The following PARVA variants were observed in gnomAD, a reference collection of about 807,000 sequenced individuals.
The protein encoded by PARVA is alpha-parvin.
A neutral mutation model predicts 52.6 loss-of-function variants in PARVA; 25 were observed. That is an observed-to-expected ratio of 0.48 (90% CI 0.35 to 0.66). The LOEUF (loss-of-function observed/expected upper bound fraction) is 0.66. PARVA is among the 30% of genes least tolerant of loss of function. The pLI, the probability that PARVA is intolerant of heterozygous loss-of-function variation, is 0.01. For synonymous variants in PARVA, 185 were observed against 179.1 expected, an observed-to-expected ratio of 1.03 and a Z score of -0.26; for missense variants, 373 against 450.9, an observed-to-expected ratio of 0.83 and a Z score of 1.56.
chr11:12,425,980 A>G (rs1940227541), intron 1 of PARVA, among the ~76,000 whole-genome samples: 1 of 136,084 alleles, frequency 7.3e-6, no homozygotes, highest in Non-Finnish European at 1.6e-5. Flanking sequence ...AAGTTCATTA[A>G]TCAGCCATCC....
chr11:12,400,070 T>C (rs887470365), intron 1 of PARVA, among the ~76,000 whole-genome samples: 1 of 152,146 alleles, frequency 6.6e-6, no homozygotes, highest in East Asian at 1.9e-4. Flanking sequence ...AGACCCAATC[T>C]CTATTAAAAA....
Position 12,504,034 on chromosome 11 carries a change from G to A in PARVA, c.542-280G>A, listed in dbSNP as rs76872529. Among the ~76,000 whole-genome samples the A allele has an allele frequency of 6.9e-3, 1,050 of 152,226 alleles. 9 individuals are homozygous for A. Among genetic ancestry groups the A allele is most frequent in the Middle Eastern group, 0.02 (6 of 294 alleles). ...GAGAGAGAGTGGGCTGCAGGAAGGT[G>A]CCATATACTTTTCAACCACCAGATC... On this transcript the variant is annotated intron_variant, in intron 5 of 12. Coordinates refer to ENST00000334956, the MANE Select transcript of PARVA (RefSeq NM_018222.5).
chr11:12,500,888 C>T (rs1365449027), intron 5 of PARVA, among the ~76,000 whole-genome samples: 3 of 152,108 alleles, frequency 2.0e-5, no homozygotes, highest in Non-Finnish European at 2.9e-5. Context: ...GTGGGTGGAT[C>T]ACCTGAGGTC....
chr11:12,533,958 G>A lies in PARVA; in HGVS notation c.*6033G>A, dbSNP rs983848827. Among the ~76,000 whole-genome samples, 1 of 152,094 alleles carries A rather than the reference G, an allele frequency of 6.6e-6. No homozygotes were observed. The highest frequency in any genetic ancestry group is 2.4e-5 in the African/African-American group (1 of 41,428). On this transcript the variant is annotated 3_prime_UTR_variant, in exon 13 of 13. Transcript: ENST00000334956. ...CCGAGACGGACAGATCACAAGGTCAGGAGATTGAGACTATCCTGGCTAATA... is the reference window on the plus strand; with the variant it reads ...CCGAGACGGACAGATCACAAGGTCAAGAGATTGAGACTATCCTGGCTAATA...
rs1485051605 is a variant in PARVA, at chr11:12,528,286, C to T, written c.*361C>T. 3.5e-6 allele frequency: 1 copy of T among 287,740 alleles called. No individual in the cohort carries two copies. Among genetic ancestry groups the T allele is most frequent in the East Asian group, 6.7e-5 (1 of 14,876 alleles). The allele number at this position is 287,740 out of a possible 1,614,324, so 17.8% of individuals were successfully genotyped here. ...CATTCAAAGGATGCTAACTGTGTGT[C>T]AGGCCCCACACTAAGTGCTCTGCTC... On this transcript the variant is annotated 3_prime_UTR_variant, in exon 13 of 13. Transcript: ENST00000334956.
rs747248819 is a variant in PARVA, at chr11:12,474,031, G to A, written c.297+48G>A. The A allele has an allele frequency of 4.1e-5, 58 of 1,402,770 alleles. No individual in the cohort carries two copies. The Admixed American group carries it at 1.0e-3, about 25-fold the overall frequency. 86.9% of individuals were successfully genotyped at this position (1,402,770 alleles called of 1,614,324 possible). On this transcript the variant is annotated intron_variant, in intron 3 of 12. Transcript: ENST00000334956. ...TTCAGGTGCCTCACTGACCCACCAT[G>A]TGTCCATATGCCACCTGCTCTGTGC...
At chr11:12,401,539 T>C (rs560307780) in intron 1 of PARVA, among the ~76,000 whole-genome samples, 4 of 152,316 alleles carry the variant, frequency 2.6e-5, no homozygotes, top group African/African-American at 9.6e-5. Context: ...GCCAGCCCAG[T>C]GTCTGTGGCA....
chr11:12,515,102 C>A (rs1466037454), intron 10 of PARVA, among the ~76,000 whole-genome samples: 1 of 152,224 alleles, frequency 6.6e-6, no homozygotes, highest in Admixed American at 6.5e-5. Context: ...GTCCATTAGT[C>A]CCACTGCTAG....
chr11:12,469,016 T>C (rs1443158510), intron 1 of PARVA, among the ~76,000 whole-genome samples: 2 of 152,076 alleles, frequency 1.3e-5, no homozygotes, highest in Non-Finnish European at 2.9e-5. Flanking sequence ...CCTGGAGGCA[T>C]AGGAGGGAGG....
In PARVA at chr11:12,496,511, G is replaced by A; in HGVS notation, c.454G>A (p.Ala152Thr). Residue 152 changes from alanine to threonine, a missense_variant, in exon 5 of 13, where the codon GCT becomes ACT. Transcript: ENST00000334956. The stretch of plus-strand genomic sequence containing the variant: ...GGCTGAGGTCACCCAGTCAGAGATT[G>A]CTCAGAAGCAAAAACTGCAGACTGT... ...NVAEVTQSEI[A>T]QKQKLQTVLE... 6.2e-7 allele frequency: 1 copy of A among 1,609,526 alleles called. No individual in the cohort carries two copies. Among genetic ancestry groups the A allele is most frequent in the Non-Finnish European group, 8.5e-7 (1 of 1,177,982 alleles).
Position 12,498,119 on chromosome 11 carries a change from C to T in PARVA, c.541+1521C>T, listed in dbSNP as rs149151959. ...TGCAATCTCAGCTCACTGCAACCTA[C>T]GCCTCCCAGGTTCAAGCGATTCTCA... On this transcript the variant is annotated intron_variant, in intron 5 of 12. Coordinates refer to ENST00000334956, the MANE Select transcript of PARVA (RefSeq NM_018222.5). Among the ~76,000 whole-genome samples the T allele has an allele frequency of 7.8e-3, 1,181 of 152,252 alleles. 13 individuals carry two copies. Among genetic ancestry groups the T allele is most frequent in the African/African-American group, 0.023 (945 of 41,540 alleles).
chr11:12,527,671 C>T (rs117763353), intron 12 of PARVA, among the ~76,000 whole-genome samples, 178 bp from the exon 13 acceptor site: 1,547 of 152,206 alleles, frequency 0.01, 13 homozygotes, highest in Non-Finnish European at 0.016. Context: ...ATGCTGTGCC[C>T]CAGCACCTCT....
intron 1 of PARVA, among the ~76,000 whole-genome samples, chr11:12,453,711 G>A (rs1229494801): frequency 1.3e-5 from 2 of 152,202 alleles, no homozygotes; most frequent in Non-Finnish European, 2.9e-5. Flanking sequence ...ATATGTTTGG[G>A]TTGATGGCTG....
intron 1 of PARVA, among the ~76,000 whole-genome samples, chr11:12,399,777 C>T (rs2134963486): frequency 6.6e-6 from 1 of 152,232 alleles, no homozygotes; most frequent in South Asian, 2.1e-4. Context: ...TCTTTAGTGA[C>T]TATAATGTAA....
intron 4 of PARVA, among the ~76,000 whole-genome samples, chr11:12,491,146 A>C (rs138998957): frequency 6.6e-6 from 1 of 152,168 alleles, no homozygotes; most frequent in South Asian, 2.1e-4. Context: ...ATTCTTGCCA[A>C]ATACTATATA....
chr11:12,433,216 A>C (rs1385005894), intron 1 of PARVA, among the ~76,000 whole-genome samples: 1 of 152,126 alleles, frequency 6.6e-6, no homozygotes, highest in Non-Finnish European at 1.5e-5. Context: ...ATCTTTTATC[A>C]TTAGCTCCCC....
intron 1 of PARVA, among the ~76,000 whole-genome samples, chr11:12,461,815 G>C (rs909137641): frequency 3.9e-5 from 6 of 152,106 alleles, no homozygotes; most frequent in Non-Finnish European, 8.8e-5. Flanking sequence ...AGATCCTGCT[G>C]TCAGCTCCCA....
rs549417486 is a variant in PARVA at position 12,505,260 on chromosome 11, G to C, written c.657+831G>C. 4.2e-4 allele frequency among the ~76,000 whole-genome samples: 64 copies of C among 152,296 alleles called. 1 individual carries two copies. The South Asian group carries it at 0.013, about 31-fold the overall frequency. On this transcript the variant is annotated intron_variant, in intron 6 of 12. Transcript: ENST00000334956. ...AGCTCTCCATCTAAGCAGCTCCCTG[G>C]CGATCCAGGCTCTGGAATAGGGAAT...
intron 1 of PARVA, among the ~76,000 whole-genome samples, chr11:12,448,567 G>C (rs112206113): frequency 0.02 from 3,042 of 152,290 alleles, 44 homozygotes; most frequent in Non-Finnish European, 0.031. Flanking sequence ...CAGAACTTCA[G>C]TTATAAGAAC....
Sources: allele counts gnomAD v4.1 joint callset (sites outside exome capture counted in the v4.1 genomes callset), GRCh38; gene constraint gnomAD v4.1.1; transcripts MANE v1.5; gene names NCBI Gene and HGNC (gene_info 2026-07-23, HGNC 2026-07-21).